ZNF587B: variants seen among roughly 807,000 people sequenced by gnomAD.
ZNF587B encodes the protein zinc finger protein 587B.
A neutral mutation model predicts 7.2 loss-of-function variants in ZNF587B; 6 were observed. That is an observed-to-expected ratio of 0.83 (90% confidence interval 0.46 to 1.65). The LOEUF (loss-of-function observed/expected upper bound fraction) is 1.65, where lower values mean the gene tolerates loss of function less well. ZNF587B is among the 40% of genes most tolerant of loss of function. The pLI, the probability that ZNF587B is intolerant of heterozygous loss-of-function variation, is 0.01. For missense variants in ZNF587B, 749 were observed against 761.0 expected (o/e 0.98, Z 0.19); for synonymous variants, 274 against 254.3 (o/e 1.08, Z -0.74).
At chr19:57,830,687 A>G in intron 1 of ZNF587B, 123 bp downstream of exon 1, 1 of 1,125,452 alleles carries the variant, frequency 8.9e-7, no homozygotes, top group South Asian at 1.4e-5. Flanking sequence ...TTTTATTAGG[A>G]GTGACTGTCA....
chr19:57,841,726 A>ACTC lies in ZNF587B; in HGVS notation c.1052_1053insCTC (p.Glu351delinsAspSer). On this transcript the variant is annotated protein_altering_variant, in exon 3 of 3. Coordinates refer to ENST00000594901, the MANE Select transcript of ZNF587B (RefSeq NM_001376223.1). ...AGTCATCAGCGCATTCACACTGGAG[A>ACTC]GAGACCTTACAAGTGTGGAGAATGT... 6.2e-7 allele frequency: 1 copy of ACTC among 1,608,252 alleles called. No homozygotes were observed. Among genetic ancestry groups the ACTC allele is most frequent in the Non-Finnish European group, 8.5e-7 (1 of 1,177,542 alleles).
chr19:57,842,676 G>A lies in ZNF587B; in HGVS notation c.*100G>A. ...TGTGGAAAATGTTTACCCAAAAGAA[G>A]TCTGCTCTCCTTGGACATTGGAGAG... On this transcript the variant is annotated 3_prime_UTR_variant, in exon 3 of 3. Transcript: ENST00000594901. The A allele has an allele frequency of 7.4e-7, 1 of 1,344,912 alleles. No individual in the cohort carries two copies. The highest frequency in any genetic ancestry group is 9.5e-7 in the Non-Finnish European group (1 of 1,053,384). The allele number at this position is 1,344,912 out of a possible 1,614,324, so 83.3% of individuals were successfully genotyped here.
intron 1 of ZNF587B, among the ~76,000 whole-genome samples, chr19:57,832,886 C>T (rs1187408637): frequency 2.0e-5 from 3 of 152,236 alleles, no homozygotes; most frequent in Admixed American, 6.5e-5. Flanking sequence ...TGGGTCTTCC[C>T]TCACTTTGTC....
At position 57,842,353 on chromosome 19, in the gene ZNF587B, C is replaced by T; in HGVS notation, c.1679C>T (p.Ala560Val). Residue 560 changes from alanine to valine, a missense_variant, in exon 3 of 3, where the codon GCT becomes GTT. Ala to Val is a moderately conservative substitution (Grantham distance 64, BLOSUM62 0). This residue lies in a region of ZNF587B where 656 missense variants were observed against 596.5 expected (regional missense o/e 1.10). Coordinates refer to ENST00000594901, the MANE Select transcript of ZNF587B (RefSeq NM_001376223.1). ...TGCAGTGAATGTGGGAAATCTTTTG[C>T]TGCAAGCTCCTATCTCACTAGTCAC... ...YECSECGKSF[A>V]ASSYLTSHRR... The T allele has an allele frequency of 6.2e-7, 1 of 1,606,050 alleles. No homozygotes were observed. The highest frequency in any genetic ancestry group is 1.7e-5 in the Admixed American group (1 of 59,044).
chr19:57,832,500 A>G (rs1188168273), intron 1 of ZNF587B, among the ~76,000 whole-genome samples: 1 of 152,196 alleles, frequency 6.6e-6, no homozygotes, highest in Non-Finnish European at 1.5e-5. Context: ...ATCTTGAATT[A>G]TCTGTCTGAA....
chr19:57,838,310 CT>C (rs1454894974), intron 1 of ZNF587B, among the ~76,000 whole-genome samples: 3 of 149,866 alleles, frequency 2.0e-5, no homozygotes, highest in Non-Finnish European at 4.4e-5. Flanking sequence ...AAAAAAGATA[CT>C]TTAAATTGTG....
rs184359979 is a variant in ZNF587B, at chr19:57,843,909, T to A, written c.*1333T>A. 5.2e-3 allele frequency among the ~76,000 whole-genome samples: 791 copies of A among 152,192 alleles called. 8 individuals carry two copies. The highest frequency in any genetic ancestry group is 8.2e-3 in the Non-Finnish European group (557 of 68,008). On this transcript the variant is annotated 3_prime_UTR_variant, in exon 3 of 3. Coordinates refer to ENST00000594901, the MANE Select transcript of ZNF587B (RefSeq NM_001376223.1). ...CCTCTGCTTCTGGCCTTTTTAAAAA[T>A]TTTTTAAATTTATATTTTTTGTAGA...
chr19:57,842,527 G>A lies in ZNF587B; in HGVS notation c.1853G>A (p.Ser618Asn). The A allele has an allele frequency of 6.4e-7, 1 of 1,552,682 alleles. No individual in the cohort carries two copies. The highest frequency in any genetic ancestry group is 8.6e-7 in the Non-Finnish European group (1 of 1,156,784). The change falls in exon 3 of 3, where the codon AGC (serine) becomes AAC (asparagine). Residue 618 changes from serine to asparagine, a missense_variant. Physicochemically the swap from Ser to Asn is conservative, Grantham distance 46. Transcript: ENST00000594901. The part of the protein sequence containing the change: ...CSECEKKFRK[S>N]SSLRYHQRVH... ...GAATGTGAAAAAAAATTTAGGAAAA[G>A]CTCTTCACTTCGTTACCATCAGAGA...
chr19:57,841,187 C>T lies in ZNF587B; in HGVS notation c.513C>T (p.Val171=), dbSNP rs762481148. 1 of 1,614,178 alleles carries T rather than the reference C, an allele frequency of 6.2e-7. No individual in the cohort carries two copies. The change falls in exon 3 of 3, where the codon GTC becomes GTT. Residue 171 remains valine, a synonymous_variant. Transcript: ENST00000594901. ...CKLHVSGESS[V]FSESGKDFLP... The stretch of plus-strand genomic sequence containing the variant: ...TGCATGTGTCAGGGGAGTCATCTGT[C>T]TTCAGTGAGAGTGGGAAGGACTTTT...
intron 2 of ZNF587B, 117 bp downstream of exon 2, chr19:57,839,266 A>C (rs573476156): frequency 6.7e-7 from 1 of 1,490,386 alleles, no homozygotes; most frequent in African/African-American, 1.4e-5. Flanking sequence ...CTTCAGTTCT[A>C]TGGGTAGGTT....
At position 57,841,299 on chromosome 19, in the gene ZNF587B, T is replaced by G. The variant is rs766845843; in HGVS notation, c.625T>G (p.Cys209Gly). 2.5e-6 allele frequency: 4 copies of G among 1,613,884 alleles called. No individual in the cohort carries two copies. In the Admixed American group the frequency reaches 5.0e-5, roughly 20 times the overall value. ...SKTECVSPFQ[C>G]GGAHYSHGDS... Reference sequence around the variant, plus strand: ...AACTGAGTGTGTGTCTCCCTTTCAGTGTGGGGGAGCTCACTATAGCCATGG... The same window carrying G: ...AACTGAGTGTGTGTCTCCCTTTCAGGGTGGGGGAGCTCACTATAGCCATGG... The change falls in exon 3 of 3, where the codon TGT (cysteine) becomes GGT (glycine). Residue 209 changes from cysteine (C) to glycine (G), a missense_variant. Cys to Gly is a radical substitution (Grantham distance 159). This residue lies in a region of ZNF587B where 656 missense variants were observed against 596.5 expected (regional missense o/e 1.10). Transcript: ENST00000594901.
intron 1 of ZNF587B, among the ~76,000 whole-genome samples, chr19:57,834,857 GAA>G (rs370741807): frequency 2.4e-5 from 3 of 124,750 alleles, no homozygotes; most frequent in Non-Finnish European, 5.2e-5. Flanking sequence ...AAAAAAAAAA[GAA>G]AAAAAAAAGG....
Position 57,842,829 on chromosome 19 carries a change from T to A in ZNF587B, c.*253T>A. The A allele has an allele frequency of 3.0e-6, 3 of 985,416 alleles. No homozygotes were observed. The highest frequency in any genetic ancestry group is 3.6e-6 in the Non-Finnish European group (3 of 829,930). 61.0% of individuals were successfully genotyped at this position (985,416 alleles called of 1,614,324 possible). ...TACTAGTGTGGCAAATATAGGCTAT[T>A]TATCCAGAAGTCTGGCTTCAAAACT... On this transcript the variant is annotated 3_prime_UTR_variant, in exon 3 of 3. Coordinates refer to ENST00000594901, the MANE Select transcript of ZNF587B (RefSeq NM_001376223.1).
In ZNF587B at chr19:57,836,955, C is replaced by T. The variant is rs574717781; in HGVS notation, c.37-2068C>T. 2.4e-4 allele frequency among the ~76,000 whole-genome samples: 27 copies of T among 114,540 alleles called. No homozygotes were observed. The East Asian group carries it at 4.6e-3, about 19-fold the overall frequency. The allele number at this position is 114,540 out of a possible 152,430, so 75.1% of individuals were successfully genotyped here. A position where few individuals can be genotyped will look rare whatever the true frequency, so the allele number is the denominator to read the frequency against. On this transcript the variant is annotated intron_variant, in intron 1 of 2. Coordinates refer to ENST00000594901, the MANE Select transcript of ZNF587B (RefSeq NM_001376223.1). ...TCCAGCCTGGGTGACAGTGAGACTCCGTCATAAAAAAAAAAAAAAAAAAAA... is the reference window on the plus strand; with the variant it reads ...TCCAGCCTGGGTGACAGTGAGACTCTGTCATAAAAAAAAAAAAAAAAAAAA...
intron 1 of ZNF587B, among the ~76,000 whole-genome samples, chr19:57,835,209 T>C (rs1988553514): frequency 1.0e-5 from 1 of 96,338 alleles, no homozygotes; most frequent in African/African-American, 4.6e-5. Flanking sequence ...CATTCTGTCA[T>C]CCAGGTGAGG....
intron 1 of ZNF587B, among the ~76,000 whole-genome samples, chr19:57,837,865 G>A (rs1445362385): frequency 6.6e-6 from 1 of 152,084 alleles, no homozygotes; most frequent in African/African-American, 2.4e-5. Flanking sequence ...TACTACAGGT[G>A]CGAGCCACCA....
At position 57,839,161 on chromosome 19, in the gene ZNF587B, A is replaced by G. The variant is rs750318488; in HGVS notation, c.163+12A>G. On this transcript the variant is annotated intron_variant, in intron 2 of 2. Coordinates refer to ENST00000594901, the MANE Select transcript of ZNF587B (RefSeq NM_001376223.1). The stretch of plus-strand genomic sequence containing the variant: ...TATGTCCTCCCTGGGTAAGTTGCTC[A>G]CACTCACCCTGTGACTTGAGCTAGT... The G allele has an allele frequency of 6.2e-7, 1 of 1,614,010 alleles. No individual in the cohort carries two copies. Among genetic ancestry groups the G allele is most frequent in the East Asian group, 2.2e-5 (1 of 44,874 alleles).
chr19:57,836,895 G>A (rs1988629221), intron 1 of ZNF587B, among the ~76,000 whole-genome samples: 1 of 151,260 alleles, frequency 6.6e-6, no homozygotes, highest in African/African-American at 2.4e-5. Flanking sequence ...CCCAGGAGGC[G>A]GAGGTTGCAG....
intron 1 of ZNF587B, among the ~76,000 whole-genome samples, chr19:57,837,980 A>G (rs1374859592): frequency 1.3e-5 from 2 of 152,254 alleles, no homozygotes; most frequent in South Asian, 2.1e-4. Flanking sequence ...GGAGATTTCA[A>G]CCCACACTAG....
Sources: gnomAD v4.1 joint callset for allele counts (sites outside exome capture counted in the v4.1 genomes callset) on GRCh38, gnomAD v4.1.1 for gene constraint, gnomAD v4.1.1 regional missense constraint, MANE v1.5 for transcripts, NCBI Gene and HGNC (gene_info 2026-07-23, HGNC 2026-07-21) for gene names.